KLHL1: variants seen among roughly 807,000 people sequenced by gnomAD.
KLHL1 encodes kelch like family member 1.
KLHL1 carries 47 observed loss-of-function variants against 77.7 expected under a neutral mutation model. That is an observed-to-expected ratio of 0.60 (90% CI 0.48 to 0.77). The LOEUF (loss-of-function observed/expected upper bound fraction) is 0.77, where lower values mean the gene tolerates loss of function less well. Among genes scored for constraint, KLHL1 ranks in the 30% least tolerant of loss-of-function variants. KLHL1 has a pLI of 0.00. For synonymous variants in KLHL1, 360 were observed against 325.2 expected (o/e 1.11, Z -1.15); for missense variants, 925 against 910.8 (o/e 1.02, Z -0.20).
At chr13:69,873,521 C>T (rs1467768635) in intron 5 of KLHL1, among the ~76,000 whole-genome samples, 2 of 152,118 alleles carry the variant, frequency 1.3e-5, no homozygotes, top group Non-Finnish European at 2.9e-5. Context: ...TTAGTCAAGT[C>T]TGAATCAATA....
intron 1 of KLHL1, among the ~76,000 whole-genome samples, chr13:70,011,389 C>T (rs1212085679): frequency 2.0e-5 from 3 of 152,046 alleles, no homozygotes; most frequent in Admixed American, 1.3e-4. Context: ...ATACAATATA[C>T]CTGGACCAGA....
chr13:69,854,471 C>A (rs1242890159), intron 5 of KLHL1, among the ~76,000 whole-genome samples: 1 of 151,976 alleles, frequency 6.6e-6, no homozygotes, highest in Non-Finnish European at 1.5e-5. Context: ...TCTACCATGA[C>A]CCAAACACAT....
chr13:69,982,247 A>G (rs1220826790), intron 1 of KLHL1, among the ~76,000 whole-genome samples: 1 of 151,768 alleles, frequency 6.6e-6, no homozygotes, highest in Non-Finnish European at 1.5e-5. Context: ...CAGCCTGGGC[A>G]ACACGGTGAA....
intron 1 of KLHL1, among the ~76,000 whole-genome samples, chr13:70,032,163 A>T (rs1593689598): frequency 6.6e-6 from 1 of 152,208 alleles, no homozygotes. Flanking sequence ...CTAAGGATAG[A>T]ATCTAGCACA....
At chr13:69,909,366 C>T (rs9529651) in intron 4 of KLHL1, among the ~76,000 whole-genome samples, 81,536 of 151,444 alleles carry the variant, frequency 0.54, 21,999 homozygotes, top group South Asian at 0.63. Context: ...AACCCAAGTG[C>T]AAAATATTTT....
At chr13:69,936,624 A>T (rs1157288809) in intron 4 of KLHL1, among the ~76,000 whole-genome samples, 1 of 151,682 alleles carries the variant, frequency 6.6e-6, no homozygotes, top group African/African-American at 2.4e-5. Context: ...AAGATTGAAC[A>T]TGCTATGATG....
At chr13:70,030,158 C>T (rs1489812830) in intron 1 of KLHL1, among the ~76,000 whole-genome samples, 2 of 152,086 alleles carry the variant, frequency 1.3e-5, no homozygotes, top group Non-Finnish European at 2.9e-5. Flanking sequence ...GACTTTAACA[C>T]CCCACTGTCA....
At chr13:69,867,936 G>GGCAC (rs1465018919) in intron 5 of KLHL1, among the ~76,000 whole-genome samples, 53 of 151,934 alleles carry the variant, frequency 3.5e-4, no homozygotes, top group Non-Finnish European at 6.3e-4. Flanking sequence ...ACACCAACAT[G>GGCAC]AAACATGTAT....
chr13:70,036,092 T>C (rs1462995977), intron 1 of KLHL1, among the ~76,000 whole-genome samples: 3 of 152,000 alleles, frequency 2.0e-5, no homozygotes, highest in Non-Finnish European at 4.4e-5. Context: ...AAAGTAGTTA[T>C]AGTGACCATT....
intron 6 of KLHL1, among the ~76,000 whole-genome samples, chr13:69,817,479 T>C (rs962947955): frequency 6.6e-6 from 1 of 152,232 alleles, no homozygotes; most frequent in African/African-American, 2.4e-5. Flanking sequence ...CTGTGATTCA[T>C]TGAGATTTAC....
chr13:69,974,656 A>G (rs1318626215), intron 2 of KLHL1, among the ~76,000 whole-genome samples: 1 of 152,020 alleles, frequency 6.6e-6, no homozygotes, highest in Non-Finnish European at 1.5e-5. Flanking sequence ...TTAAAAATAC[A>G]TACAATATTA....
chr13:70,064,336 A>C (rs1886958793), intron 1 of KLHL1, among the ~76,000 whole-genome samples: 1 of 152,196 alleles, frequency 6.6e-6, no homozygotes, highest in African/African-American at 2.4e-5. Context: ...CATAAATGTA[A>C]GTGTGAATAG....
At chr13:69,933,946 C>T (rs1009105499) in intron 4 of KLHL1, among the ~76,000 whole-genome samples, 3 of 151,838 alleles carry the variant, frequency 2.0e-5, no homozygotes. Flanking sequence ...TATGTAATCA[C>T]GGTATATTCA....
At chr13:69,801,172 CAG>C (rs947813399) in intron 6 of KLHL1, among the ~76,000 whole-genome samples, 68 of 152,228 alleles carry the variant, frequency 4.5e-4, no homozygotes, top group African/African-American at 1.6e-3. Context: ...GCAGGCATGA[CAG>C]AGTCCTGACC....
chr13:69,978,745 C>T (rs540076407), intron 1 of KLHL1, among the ~76,000 whole-genome samples: 2 of 152,092 alleles, frequency 1.3e-5, no homozygotes, highest in Admixed American at 1.3e-4. Context: ...CCTTGGCCCC[C>T]CAAAGTGCTG....
chr13:69,948,896 A>T (rs2137251503), intron 3 of KLHL1, among the ~76,000 whole-genome samples: 1 of 152,064 alleles, frequency 6.6e-6, no homozygotes, highest in African/African-American at 2.4e-5. Flanking sequence ...AACGTAAATC[A>T]AATTTTATCT....
intron 6 of KLHL1, among the ~76,000 whole-genome samples, chr13:69,810,228 CAGA>C (rs1209382575): frequency 6.6e-6 from 1 of 152,040 alleles, no homozygotes; most frequent in African/African-American, 2.4e-5. Flanking sequence ...CCAACAGCCA[CAGA>C]ATATATATTC....
At chr13:69,784,629 AGCTAACTATCCTAAATATATAT>A (rs1258028559) in intron 7 of KLHL1, among the ~76,000 whole-genome samples, 1 of 151,512 alleles carries the variant, frequency 6.6e-6, no homozygotes, top group Non-Finnish European at 1.5e-5. Context: ...CAACAAGAAG[AGCTAACTATCCTAAATATATAT>A]GCACCCAATA....
intron 7 of KLHL1, among the ~76,000 whole-genome samples, chr13:69,784,148 A>G (rs994912466): frequency 6.6e-6 from 1 of 152,198 alleles, no homozygotes; most frequent in African/African-American, 2.4e-5. Flanking sequence ...AGATTTTGTC[A>G]CCACCAGGCT....
Sources: gnomAD v4.1 joint callset for allele counts (sites outside exome capture counted in the v4.1 genomes callset) on GRCh38, gnomAD v4.1.1 for gene constraint, MANE v1.5 for transcripts, NCBI Gene and HGNC (gene_info 2026-07-23, HGNC 2026-07-21) for gene names.